The following SULF1 variants were observed in gnomAD, a reference collection of about 807,000 sequenced individuals.
SULF1 encodes the protein sulfatase 1.
Under a neutral mutation model 110.5 loss-of-function variants are expected in SULF1, and 46 were observed. The ratio of observed to expected loss-of-function variants is 0.42; its 90% CI spans 0.33 to 0.53. The LOEUF is 0.53. Ranked by LOEUF, SULF1 falls within the 20% of genes least tolerant of loss-of-function variation. SULF1 has a pLI of 0.12. For synonymous variants in SULF1, 371 were observed against 387.1 expected (o/e 0.96, Z 0.49); for missense variants, 941 against 1,094.2 (o/e 0.86, Z 1.98).
chr8:69,631,984 A>G lies in SULF1; in HGVS notation c.2284+2305A>G, dbSNP rs571754758. ...TCCACTAGACTGTGAGTTTCTCAAG[A>G]TAAAAAACCATGTCTCTATGATACT... On this transcript the variant is annotated intron_variant, in intron 19 of 22. Transcript: ENST00000402687. 8.5e-5 allele frequency among the ~76,000 whole-genome samples: 13 copies of G among 152,358 alleles called. No individual in the cohort carries two copies. In the South Asian group the frequency reaches 2.5e-3, roughly 29 times the overall value.
intron 3 of SULF1, among the ~76,000 whole-genome samples, chr8:69,547,875 G>C (rs1046183673): frequency 1.1e-4 from 16 of 152,130 alleles, no homozygotes; most frequent in African/African-American, 3.9e-4. Flanking sequence ...TGAACAAATT[G>C]CAGGTAGTGT....
At chr8:69,506,779 C>T (rs1441199) in intron 3 of SULF1, among the ~76,000 whole-genome samples, 40,573 of 152,034 alleles carry the variant, frequency 0.27, 6,127 homozygotes, top group Non-Finnish European at 0.34. Context: ...CTTCCCCTGG[C>T]AAGGAAAGGA....
intron 3 of SULF1, among the ~76,000 whole-genome samples, chr8:69,516,038 T>C (rs1265256946): frequency 6.6e-6 from 1 of 152,222 alleles, no homozygotes; most frequent in Non-Finnish European, 1.5e-5. Flanking sequence ...TTTTCCTGTC[T>C]TCTTCTGATC....
At chr8:69,491,132 CT>C (rs1412222549), upstream of SULF1, among the ~76,000 whole-genome samples, 1 of 152,202 alleles carries the variant, frequency 6.6e-6, no homozygotes, top group African/African-American at 2.4e-5. Flanking sequence ...CCCCAAGTCT[CT>C]TAAATGACAC....
chr8:69,606,559 C>G (rs914818994), intron 13 of SULF1, among the ~76,000 whole-genome samples: 2 of 152,108 alleles, frequency 1.3e-5, no homozygotes, highest in Non-Finnish European at 2.9e-5. Context: ...AACATTATAG[C>G]CTTTTGGGAA....
intron 3 of SULF1, among the ~76,000 whole-genome samples, chr8:69,507,067 G>A (rs1811247431): frequency 6.6e-6 from 1 of 152,186 alleles, no homozygotes; most frequent in African/African-American, 2.4e-5. Flanking sequence ...ATCCAGTGCT[G>A]AAATGGCCCA....
At chr8:69,618,088 C>T (rs1809316764) in intron 13 of SULF1, among the ~76,000 whole-genome samples, 1 of 152,218 alleles carries the variant, frequency 6.6e-6, no homozygotes, top group Non-Finnish European at 1.5e-5. Context: ...ATCTGGGGAG[C>T]TTCTGAAAGT....
intron 8 of SULF1, among the ~76,000 whole-genome samples, chr8:69,595,923 A>C (rs149461453): frequency 6.6e-6 from 1 of 152,304 alleles, no homozygotes; most frequent in Non-Finnish European, 1.5e-5. Flanking sequence ...CTCCTGAAAT[A>C]CCCACCTGTC....
At chr8:69,550,660 G>A (rs1378954174) in intron 3 of SULF1, among the ~76,000 whole-genome samples, 4 of 152,166 alleles carry the variant, frequency 2.6e-5, no homozygotes, top group Non-Finnish European at 5.9e-5. Flanking sequence ...ACTAGTCCAC[G>A]TGGTGCTGGA....
chr8:69,494,594 T>A (rs1040973318), intron 1 of SULF1, among the ~76,000 whole-genome samples: 1 of 152,182 alleles, frequency 6.6e-6, no homozygotes, highest in African/African-American at 2.4e-5. Flanking sequence ...AACACTAAAT[T>A]CTATACTTTA....
chr8:69,529,990 T>G lies in SULF1; in HGVS notation c.-134+28022T>G, dbSNP rs1812972399. The stretch of plus-strand genomic sequence containing the variant: ...CTGTGTTGGAGGCTGACTACCACAC[T>G]TACTGTCAGTTTATTAATGATCCTA... On this transcript the variant is annotated intron_variant, in intron 3 of 22. Transcript: ENST00000402687. Among the ~76,000 whole-genome samples the G allele has an allele frequency of 2.0e-5, 3 of 152,176 alleles. No homozygotes were observed. The South Asian group carries it at 6.2e-4, about 31-fold the overall frequency.
upstream of SULF1, among the ~76,000 whole-genome samples, chr8:69,491,060 G>T (rs547477964): frequency 6.6e-6 from 1 of 152,138 alleles, no homozygotes; most frequent in Non-Finnish European, 1.5e-5. Flanking sequence ...GTAGAGGGGG[G>T]AAAATTCTTC....
intron 3 of SULF1, among the ~76,000 whole-genome samples, chr8:69,513,066 G>C (rs957216654): frequency 1.3e-5 from 2 of 152,074 alleles, no homozygotes; most frequent in African/African-American, 4.8e-5. Context: ...TTTAGACTAG[G>C]ATATTATCTG....
chr8:69,504,461 A>G (rs1225068333), intron 3 of SULF1, among the ~76,000 whole-genome samples: 1 of 152,130 alleles, frequency 6.6e-6, no homozygotes, highest in Non-Finnish European at 1.5e-5. Flanking sequence ...AGGCTAAGGC[A>G]GGAGAATTGT....
At chr8:69,588,728 G>C (rs1366562769) in intron 7 of SULF1, among the ~76,000 whole-genome samples, 3 of 151,976 alleles carry the variant, frequency 2.0e-5, no homozygotes, top group Non-Finnish European at 4.4e-5. Context: ...CCATTGCTAA[G>C]TTGTGTATTA....
chr8:69,513,457 G>A (rs1811712775), intron 3 of SULF1, among the ~76,000 whole-genome samples: 1 of 152,186 alleles, frequency 6.6e-6, no homozygotes, highest in African/African-American at 2.4e-5. Context: ...AATCCCCAAA[G>A]CTCTTTGCCA....
rs117499610 is a variant in SULF1 at position 69,535,430 on chromosome 8, G to T, written c.-133-28109G>T. Among the ~76,000 whole-genome samples, 912 of 152,290 alleles carry T rather than the reference G, an allele frequency of 6.0e-3. 8 individuals are homozygous for T. Among genetic ancestry groups the T allele is most frequent in the Non-Finnish European group, 0.011 (720 of 68,024 alleles). The stretch of plus-strand genomic sequence containing the variant: ...AGAAGAGAGGTGCACTCCAGACAGT[G>T]TGCTCTATGGGAGAGAGGAGGAGGT... On this transcript the variant is annotated intron_variant, in intron 3 of 22. Transcript: ENST00000402687.
At chr8:69,529,006 A>T (rs1176685658) in intron 3 of SULF1, among the ~76,000 whole-genome samples, 1 of 152,204 alleles carries the variant, frequency 6.6e-6, no homozygotes, top group Non-Finnish European at 1.5e-5. Flanking sequence ...GGAACTTTCT[A>T]TGTACCAGCT....
At chr8:69,504,077 C>T (rs569430695) in intron 3 of SULF1, among the ~76,000 whole-genome samples, 7 of 152,146 alleles carry the variant, frequency 4.6e-5, no homozygotes, top group Non-Finnish European at 2.9e-5. Context: ...GGATTACAGG[C>T]GTGAGCCACT....
Sources: gnomAD v4.1 joint callset for allele counts (sites outside exome capture counted in the v4.1 genomes callset) on GRCh38, gnomAD v4.1.1 for gene constraint, MANE v1.5 for transcripts, NCBI Gene and HGNC (gene_info 2026-07-23, HGNC 2026-07-21) for gene names.